The following CATSPERE variants were observed in gnomAD, a reference collection of about 807,000 sequenced individuals.
The protein encoded by CATSPERE is catsper channel auxiliary subunit epsilon.
In CATSPERE, 93 loss-of-function variants were observed where a neutral mutation model predicts 114.1. The observed-to-expected ratio is 0.81, with a 90% confidence interval of 0.69 to 0.97. The LOEUF is 0.97. CATSPERE is among the 50% of genes least tolerant of loss of function. CATSPERE has a pLI of 0.00. For missense variants in CATSPERE, 1,058 were observed against 1,131.6 expected (o/e 0.93, Z 0.93); for synonymous variants, 341 against 384.1 (o/e 0.89, Z 1.31).
At chr1:244,585,765 C>A (rs932195909) in intron 13 of CATSPERE, among the ~76,000 whole-genome samples, 1 of 152,206 alleles carries the variant, frequency 6.6e-6, no homozygotes, top group East Asian at 1.9e-4. Flanking sequence ...TTGTCTTTAT[C>A]TTTTAGTGTT....
chr1:244,617,343 G>C (rs1233983614), intron 19 of CATSPERE, among the ~76,000 whole-genome samples, 186 bp from the exon 20 acceptor site: 2 of 152,096 alleles, frequency 1.3e-5, no homozygotes, highest in Non-Finnish European at 2.9e-5. Context: ...CTTTCACTAA[G>C]CTTCACTTTT....
Position 244,639,932 on chromosome 1 carries a change from A to T in CATSPERE, c.2707A>T (p.Ser903Cys). Residue 903 changes from serine to cysteine, a missense_variant, in exon 22 of 22, where the codon AGT becomes TGT. By Grantham distance (112) the Ser-to-Cys change is moderately radical (BLOSUM62 -1). This residue lies in a region of CATSPERE where 787 missense variants were observed against 905.6 expected (regional missense o/e 0.87). Coordinates refer to ENST00000366534, the MANE Select transcript of CATSPERE (RefSeq NM_001130957.2). ...TTTTTTTTTTTCTGATTTCAGTCCAAGTGTCTACCTGGTAGCTTCTTTCCT... is the reference window on the plus strand; with the variant it reads ...TTTTTTTTTTTCTGATTTCAGTCCATGTGTCTACCTGGTAGCTTCTTTCCT... ...IETFGLIPSP[S>C]VYLVASFLFV... 6.5e-7 allele frequency: 1 copy of T among 1,537,486 alleles called. No homozygotes were observed. The highest frequency in any genetic ancestry group is 8.7e-7 in the Non-Finnish European group (1 of 1,143,030).
intron 11 of CATSPERE, among the ~76,000 whole-genome samples, chr1:244,580,462 A>T (rs928833461): frequency 1.1e-4 from 17 of 152,116 alleles, no homozygotes; most frequent in African/African-American, 3.9e-4. Flanking sequence ...ATTATTGGCT[A>T]GTATGATGCT....
chr1:244,535,673 C>T (rs1680283750), intron 8 of CATSPERE, among the ~76,000 whole-genome samples: 1 of 152,076 alleles, frequency 6.6e-6, no homozygotes, highest in African/African-American at 2.4e-5. Context: ...TCCCCTCTGG[C>T]CCAAGTCAAG....
chr1:244,569,209 C>G (rs911298044), intron 10 of CATSPERE, among the ~76,000 whole-genome samples: 9 of 152,128 alleles, frequency 5.9e-5, no homozygotes, highest in Non-Finnish European at 1.0e-4. Flanking sequence ...TGACCCCTTG[C>G]ACTTCCCCAG....
intron 5 of CATSPERE, 48 bp from the exon 6 acceptor site, chr1:244,490,399 T>G (rs1242740427): frequency 3.0e-6 from 4 of 1,328,224 alleles, no homozygotes; most frequent in African/African-American, 1.5e-5. Flanking sequence ...TTCGACCTAA[T>G]GTTTAACAGG....
rs150386480 is a variant in CATSPERE, at chr1:244,581,402, G to A, written c.1951-394G>A. Reference sequence around the variant, plus strand: ...TATTTTAGTATATACCTCCTGAAAAGCACATATAAACATTTCTGTCAGGTA... The same window carrying A: ...TATTTTAGTATATACCTCCTGAAAAACACATATAAACATTTCTGTCAGGTA... On this transcript the variant is annotated intron_variant, in intron 11 of 21. Transcript: ENST00000366534. Among the ~76,000 whole-genome samples the A allele has an allele frequency of 2.4e-4, 37 of 152,202 alleles. 1 individual carries two copies. Among genetic ancestry groups the A allele is most frequent in the African/African-American group, 8.4e-4 (35 of 41,532 alleles).
In CATSPERE at chr1:244,573,615, T is replaced by C. The variant is rs72759405; in HGVS notation, c.1950+843T>C. Reference sequence around the variant, plus strand: ...CCTCAGCTGGAACACTTGCCTCTGCTGGATAACCCAGGTCTAGTGTTATCC... The same window carrying C: ...CCTCAGCTGGAACACTTGCCTCTGCCGGATAACCCAGGTCTAGTGTTATCC... On this transcript the variant is annotated intron_variant, in intron 11 of 21. Transcript: ENST00000366534. The surrounding 1 kb of genome is among the most constrained non-coding windows in gnomAD (Gnocchi z 4.0). Among the ~76,000 whole-genome samples, 1,105 of 152,262 alleles carry C rather than the reference T, an allele frequency of 7.3e-3. 11 individuals carry two copies. The highest frequency in any genetic ancestry group is 0.013 in the Non-Finnish European group (856 of 68,018).
At chr1:244,596,087 C>A (rs1443248222) in intron 17 of CATSPERE, among the ~76,000 whole-genome samples, 2 of 152,172 alleles carry the variant, frequency 1.3e-5, no homozygotes, top group Admixed American at 1.3e-4. Flanking sequence ...GTTTTCACAA[C>A]CCTGTCGATC....
intron 4 of CATSPERE, 68 bp from the exon 5 acceptor site, chr1:244,479,649 T>C (rs1025604363): frequency 2.2e-6 from 2 of 892,086 alleles, no homozygotes; most frequent in Non-Finnish European, 3.6e-6. Context: ...GTGACTTCTG[T>C]GGCTATATCC....
At chr1:244,520,223 T>G (rs910484626) in intron 8 of CATSPERE, among the ~76,000 whole-genome samples, 3 of 152,136 alleles carry the variant, frequency 2.0e-5, no homozygotes, top group African/African-American at 7.2e-5. Context: ...ATCCAAACTG[T>G]TTTTTTCCTA....
intron 8 of CATSPERE, among the ~76,000 whole-genome samples, chr1:244,528,586 C>T (rs527312514): frequency 2.0e-5 from 3 of 151,960 alleles, no homozygotes; most frequent in East Asian, 3.9e-4. Flanking sequence ...GTATAATAAT[C>T]ATATCAGGGT....
At chr1:244,574,564 G>A (rs540955794) in intron 11 of CATSPERE, among the ~76,000 whole-genome samples, 35 of 151,956 alleles carry the variant, frequency 2.3e-4, no homozygotes, top group South Asian at 1.9e-3. Flanking sequence ...GTTTGGCTTA[G>A]CTGTTTTGCT....
intron 20 of CATSPERE, among the ~76,000 whole-genome samples, chr1:244,618,430 T>C (rs7514355): frequency 0.6 from 91,047 of 151,648 alleles, 27,833 homozygotes; most frequent in Middle Eastern, 0.74. Context: ...AGGAAAACGG[T>C]GTGATGAAAG....
rs375103352 is a variant in CATSPERE, at chr1:244,501,253, T to C, written c.429+2174T>C. On this transcript the variant is annotated intron_variant, in intron 7 of 21. Coordinates refer to ENST00000366534, the MANE Select transcript of CATSPERE (RefSeq NM_001130957.2). The stretch of plus-strand genomic sequence containing the variant: ...TCCTTGAGCATCCATATCAAAACCT[T>C]CTTTAAAAATCTGTCTAATCACTTA... 1.1e-4 allele frequency among the ~76,000 whole-genome samples: 16 copies of C among 152,342 alleles called. No individual in the cohort carries two copies. The East Asian group carries it at 2.9e-3, about 28-fold the overall frequency.
At chr1:244,482,743 G>A (rs977229387) in intron 5 of CATSPERE, among the ~76,000 whole-genome samples, 1 of 152,032 alleles carries the variant, frequency 6.6e-6, no homozygotes, top group Non-Finnish European at 1.5e-5. Flanking sequence ...CTCTTTATGC[G>A]CTACCAATCA....
At chr1:244,560,599 A>T in intron 9 of CATSPERE, 69 bp from the exon 10 acceptor site, 1 of 905,844 alleles carries the variant, frequency 1.1e-6, no homozygotes, top group Non-Finnish European at 1.6e-6. Flanking sequence ...TTAAATTTTA[A>T]AAAAGAGAAA....
At chr1:244,469,961 A>G (rs893368616) in intron 2 of CATSPERE, among the ~76,000 whole-genome samples, 9 of 152,166 alleles carry the variant, frequency 5.9e-5, no homozygotes, top group African/African-American at 2.2e-4. Flanking sequence ...AATTGAATGG[A>G]AAAAGAACGG....
rs558680341 is a variant in CATSPERE at position 244,584,993 on chromosome 1, A to C, written c.2085+1054A>C. ...GCCTAGGTCTGCAGTTTCTGTCTTT[A>C]ACTGCTTTTACCCTCTTCCTTTATG... On this transcript the variant is annotated intron_variant, in intron 13 of 21. Transcript: ENST00000366534. 5.3e-5 allele frequency among the ~76,000 whole-genome samples: 8 copies of C among 152,302 alleles called. 1 individual carries two copies. The South Asian group carries it at 1.7e-3, about 32-fold the overall frequency.
Sources: gnomAD v4.1 joint callset for allele counts (sites outside exome capture counted in the v4.1 genomes callset) on GRCh38, gnomAD v4.1.1 for gene constraint, gnomAD v4.1.1 regional missense constraint, Gnocchi (gnomAD v3.1) non-coding constraint, MANE v1.5 for transcripts, NCBI Gene and HGNC (gene_info 2026-07-23, HGNC 2026-07-21) for gene names.